Variants in GZMA observed in about 807,000 individuals in gnomAD.
The protein encoded by GZMA is granzyme A.
GZMA carries 17 observed loss-of-function variants against 21.1 expected under a neutral mutation model. That is an observed-to-expected ratio of 0.81 (90% CI 0.55 to 1.21). The LOEUF is 1.21. Ranked by LOEUF, GZMA falls within the 50% of genes most tolerant of loss-of-function variation. GZMA has a pLI of 0.00. For synonymous variants in GZMA, 90 were observed against 107.8 expected (o/e 0.83, Z 1.03); for missense variants, 306 against 315.9 (o/e 0.97, Z 0.24).
At position 55,107,000 on chromosome 5, in the gene GZMA, T is replaced by G. The variant is rs751873296; in HGVS notation, c.216-794T>G. 2.0e-5 allele frequency among the ~76,000 whole-genome samples: 3 copies of G among 152,180 alleles called. No individual in the cohort carries two copies. The South Asian group carries it at 6.2e-4, about 32-fold the overall frequency. On this transcript the variant is annotated intron_variant, in intron 2 of 4. Transcript: ENST00000274306. The stretch of plus-strand genomic sequence containing the variant: ...CTGTTCTAAGGTCTTTTTCTTTTAT[T>G]TTTTAATTATTTACTTTTTATTGAC...
chr5:55,103,706 C>T (rs1742340762), intron 1 of GZMA, among the ~76,000 whole-genome samples: 1 of 152,108 alleles, frequency 6.6e-6, no homozygotes, highest in Non-Finnish European at 1.5e-5. Context: ...TCCCAAAGAA[C>T]TCTGGTTTAT....
chr5:55,106,070 T>A (rs1038592606), intron 2 of GZMA, among the ~76,000 whole-genome samples: 1 of 1,804 alleles, frequency 5.5e-4, no homozygotes, highest in African/African-American at 2.3e-3. Flanking sequence ...TAAAATAAAA[T>A]AAATAAAATA....
chr5:55,105,660 C>T, intron 2 of GZMA, 42 bp downstream of exon 2: 1 of 1,547,630 alleles, frequency 6.5e-7, no homozygotes, highest in Non-Finnish European at 8.9e-7. Context: ...TAAAGATACT[C>T]TAATTTGGGG....
At chr5:55,108,815 A>G (rs3804261) in intron 4 of GZMA, among the ~76,000 whole-genome samples, 1 of 152,122 alleles carries the variant, frequency 6.6e-6, no homozygotes, top group East Asian at 1.9e-4. Context: ...TCTGCCATTT[A>G]ACATCGGCAT....
At chr5:55,104,018 AAAAG>A (rs1742345357) in intron 1 of GZMA, among the ~76,000 whole-genome samples, 1 of 152,088 alleles carries the variant, frequency 6.6e-6, no homozygotes, top group Non-Finnish European at 1.5e-5. Context: ...AAAAAAACAA[AAAAG>A]AGAGAGAGAG....
At chr5:55,103,591 G>A (rs1742338810) in intron 1 of GZMA, among the ~76,000 whole-genome samples, 1 of 152,188 alleles carries the variant, frequency 6.6e-6, no homozygotes, top group Non-Finnish European at 1.5e-5. Flanking sequence ...TAGGAAGTGA[G>A]GACTACTCTC....
intron 1 of GZMA, among the ~76,000 whole-genome samples, chr5:55,103,073 C>T (rs1742331152): frequency 1.3e-5 from 2 of 151,058 alleles, no homozygotes; most frequent in Admixed American, 1.3e-4. Context: ...CTTTTCTTCT[C>T]ATAATTATTT....
Position 55,107,876 on chromosome 5 carries a change from G to A in GZMA, c.298G>A (p.Glu100Lys). ...AAAACAGATAATGCTTGTTAAGAAAGAGTTTCCCTATCCATGCTATGACCC... is the reference window on the plus strand; with the variant it reads ...AAAACAGATAATGCTTGTTAAGAAAAAGTTTCCCTATCCATGCTATGACCC... ...PTKQIMLVKKEFPYPCYDPAT... is the reference protein window; with the variant it reads ...PTKQIMLVKKKFPYPCYDPAT... Residue 100 changes from glutamate (E) to lysine (K), a missense_variant, in exon 3 of 5, where the codon GAG (glutamate) becomes AAG (lysine). Physicochemically the swap from Glu to Lys is moderately conservative, Grantham distance 56. Transcript: ENST00000274306. The A allele has an allele frequency of 6.2e-7, 1 of 1,613,156 alleles. No homozygotes were observed. The highest frequency in any genetic ancestry group is 8.5e-7 in the Non-Finnish European group (1 of 1,179,178).
In GZMA at chr5:55,102,753, G is replaced by T. The variant is rs775399369; in HGVS notation, c.70+1G>T. On this transcript the variant is annotated splice_donor_variant, in intron 1 of 4. Transcript: ENST00000274306. LOFTEE classifies it high-confidence loss of function. ...GTTTCTCTCCTGCTAATTCCTGAAG[G>T]TAAGACTGATTCTTCTCATTTCCAT... The T allele has an allele frequency of 7.5e-5, 118 of 1,581,136 alleles. No individual in the cohort carries two copies. The East Asian group carries it at 2.6e-3, about 35-fold the overall frequency.
chr5:55,103,224 C>A (rs1742333776), intron 1 of GZMA, among the ~76,000 whole-genome samples: 1 of 152,116 alleles, frequency 6.6e-6, no homozygotes, highest in South Asian at 2.1e-4. Context: ...GGAATAGTGG[C>A]AACTTAGTCA....
At chr5:55,106,905 C>CA (rs1211116136) in intron 2 of GZMA, among the ~76,000 whole-genome samples, 1 of 152,204 alleles carries the variant, frequency 6.6e-6, no homozygotes, top group Non-Finnish European at 1.5e-5. Context: ...TTCAAGTCCT[C>CA]AGTAGCCACA....
chr5:55,102,813 T>C (rs1252518115), intron 1 of GZMA, 61 bp downstream of exon 1: 4 of 1,068,248 alleles, frequency 3.7e-6, no homozygotes, highest in Non-Finnish European at 5.9e-6. Flanking sequence ...AGACTTTCAA[T>C]GAACTTTTGG....
At chr5:55,107,995 C>T (rs778428360) in intron 3 of GZMA, 60 bp downstream of exon 3, 61 of 1,500,560 alleles carry the variant, frequency 4.1e-5, no homozygotes, top group African/African-American at 1.1e-4. Context: ...TGGCCGCCGA[C>T]GTGAAAACCT....
chr5:55,103,051 A>AG (rs1449408621), intron 1 of GZMA, among the ~76,000 whole-genome samples: 2 of 792 alleles, frequency 2.5e-3, no homozygotes, highest in Admixed American at 0.014. Context: ...TCTGTATTTT[A>AG]GAAAAAAAAA....
At chr5:55,105,655 A>T (rs1373237487) in intron 2 of GZMA, 37 bp downstream of exon 2, 1 of 1,569,596 alleles carries the variant, frequency 6.4e-7, no homozygotes, top group Admixed American at 1.7e-5. Flanking sequence ...GTTTGTAAAG[A>T]TACTCTAATT....
rs543098587 is a variant in GZMA at position 55,107,982 on chromosome 5, A to T, written c.357+47A>T. The T allele has an allele frequency of 1.2e-5, 19 of 1,559,992 alleles. No individual in the cohort carries two copies. The Admixed American group carries it at 2.8e-4, about 23-fold the overall frequency. On this transcript the variant is annotated intron_variant, in intron 3 of 4. Coordinates refer to ENST00000274306, the MANE Select transcript of GZMA (RefSeq NM_006144.4). The stretch of plus-strand genomic sequence containing the variant: ...CTCAAAAGTCATAGAACCTTCTACA[A>T]TCTGGCCGCCGACGTGAAAACCTTT...
chr5:55,108,720 T>C (rs528531362), intron 4 of GZMA, among the ~76,000 whole-genome samples: 6 of 152,332 alleles, frequency 3.9e-5, no homozygotes, highest in African/African-American at 1.4e-4. Context: ...ACAACACTTA[T>C]GAGAGCTGAA....
rs774671653 is a variant in GZMA, at chr5:55,102,771, A to C, written c.70+19A>C. 4 of 1,514,284 alleles carry C rather than the reference A, an allele frequency of 2.6e-6. No individual in the cohort carries two copies. The East Asian group carries it at 9.0e-5, about 34-fold the overall frequency. The allele number at this position is 1,514,284 out of a possible 1,614,324, so 93.8% of individuals were successfully genotyped here. On this transcript the variant is annotated intron_variant, in intron 1 of 4. Transcript: ENST00000274306. ...CCTGAAGGTAAGACTGATTCTTCTC[A>C]TTTCCATTATGACCATGAAGCAAAA...
intron 1 of GZMA, among the ~76,000 whole-genome samples, 179 bp downstream of exon 1, chr5:55,102,931 G>GT (rs1236286278): frequency 6.6e-6 from 1 of 152,044 alleles, no homozygotes; most frequent in Non-Finnish European, 1.5e-5. Flanking sequence ...GAACGCTGAG[G>GT]TGGAAGGATC....
Sources: gnomAD v4.1 joint callset for allele counts (sites outside exome capture counted in the v4.1 genomes callset) on GRCh38, gnomAD v4.1.1 for gene constraint, MANE v1.5 for transcripts, NCBI Gene and HGNC (gene_info 2026-07-23, HGNC 2026-07-21) for gene names.